The following FSHR variants were observed in gnomAD, a reference collection of about 807,000 sequenced individuals.
The protein encoded by FSHR is follicle-stimulating hormone receptor.
FSHR carries 46 observed loss-of-function variants against 52.1 expected under a neutral mutation model. The ratio of observed to expected loss-of-function variants is 0.88; its 90% CI spans 0.70 to 1.13. FSHR has a LOEUF of 1.13. Among genes scored for constraint, FSHR ranks in the 50% most tolerant of loss-of-function variants. FSHR has a pLI of 0.00. For synonymous variants in FSHR, 399 were observed against 309.6 expected (o/e 1.29, Z -3.03); for missense variants, 964 against 834.6 (o/e 1.16, Z -1.91).
chr2:49,061,632 A>T (rs970206728), intron 2 of FSHR, among the ~76,000 whole-genome samples: 1 of 144,432 alleles, frequency 6.9e-6, no homozygotes, highest in Non-Finnish European at 1.5e-5. Flanking sequence ...AAATACATAT[A>T]TCTATAATAT....
intron 2 of FSHR, among the ~76,000 whole-genome samples, chr2:49,055,560 A>C (rs1017797867): frequency 2.2e-5 from 3 of 137,850 alleles, no homozygotes; most frequent in Admixed American, 7.6e-5. Context: ...AAAAAAAAAA[A>C]AAACCCAAAT....
chr2:48,991,162 A>G (rs1213974208), intron 4 of FSHR, among the ~76,000 whole-genome samples: 1 of 152,120 alleles, frequency 6.6e-6, no homozygotes, highest in East Asian at 1.9e-4. Flanking sequence ...CCCTTACGAG[A>G]TGGTTATAAA....
At chr2:49,109,742 T>A (rs1229555959) in intron 1 of FSHR, among the ~76,000 whole-genome samples, 1 of 152,132 alleles carries the variant, frequency 6.6e-6, no homozygotes, top group Admixed American at 6.5e-5. Context: ...ATCTCAGAAA[T>A]TGCTTTTTCC....
intron 8 of FSHR, among the ~76,000 whole-genome samples, chr2:48,974,161 G>T (rs922874863): frequency 6.6e-6 from 1 of 152,168 alleles, no homozygotes; most frequent in Non-Finnish European, 1.5e-5. Flanking sequence ...TGCTTCTGCA[G>T]CAGGTAAGTA....
chr2:49,016,977 GC>G (rs543817756), intron 4 of FSHR, among the ~76,000 whole-genome samples: 168 of 152,312 alleles, frequency 1.1e-3, no homozygotes, highest in African/African-American at 3.8e-3. Flanking sequence ...AGGAAGCAGT[GC>G]TTTTGCTGAT....
chr2:49,055,486 T>G (rs1166188205), intron 2 of FSHR, among the ~76,000 whole-genome samples: 1 of 130,734 alleles, frequency 7.6e-6, no homozygotes, highest in Non-Finnish European at 1.6e-5. Context: ...AGCTGAAAAT[T>G]TCCCAAGTAT....
intron 1 of FSHR, among the ~76,000 whole-genome samples, chr2:49,126,875 C>G (rs547398186): frequency 6.6e-6 from 1 of 152,210 alleles, no homozygotes; most frequent in Non-Finnish European, 1.5e-5. Context: ...GCCTCCCTCA[C>G]AAGGAACCAT....
intron 8 of FSHR, among the ~76,000 whole-genome samples, chr2:48,979,339 G>A (rs989155351): frequency 1.3e-5 from 2 of 152,126 alleles, no homozygotes; most frequent in Admixed American, 6.5e-5. Context: ...TACTCAGAAG[G>A]CTGAGGCAGG....
intron 6 of FSHR, among the ~76,000 whole-genome samples, chr2:48,987,885 A>G (rs919600556): frequency 6.6e-6 from 1 of 150,776 alleles, no homozygotes; most frequent in Non-Finnish European, 1.5e-5. Context: ...TTCACTTCAA[A>G]TATCATGAGC....
chr2:49,140,880 G>A (rs957238032), intron 1 of FSHR, among the ~76,000 whole-genome samples: 3 of 152,258 alleles, frequency 2.0e-5, no homozygotes, highest in African/African-American at 7.2e-5. Flanking sequence ...AGCATTTACA[G>A]TGATTCCTGA....
chr2:49,006,583 T>C (rs1019339764), intron 4 of FSHR, among the ~76,000 whole-genome samples: 13 of 152,092 alleles, frequency 8.5e-5, no homozygotes, highest in African/African-American at 2.7e-4. Context: ...TCTCTCCAAA[T>C]CATATTTATC....
At chr2:49,127,900 T>TCTTC (rs1483408974) in intron 1 of FSHR, among the ~76,000 whole-genome samples, 8 of 113,502 alleles carry the variant, frequency 7.0e-5, no homozygotes, top group South Asian at 2.8e-4. Flanking sequence ...TTCTTCTTCT[T>TCTTC]TTTTTTTTTT....
chr2:49,098,867 A>G (rs1184404059), intron 1 of FSHR, among the ~76,000 whole-genome samples: 1 of 146,836 alleles, frequency 6.8e-6, no homozygotes, highest in Non-Finnish European at 1.5e-5. Flanking sequence ...TATATAATAT[A>G]TACTTATATT....
At chr2:49,044,318 C>T (rs1032400738) in intron 2 of FSHR, among the ~76,000 whole-genome samples, 4 of 152,140 alleles carry the variant, frequency 2.6e-5, no homozygotes, top group Admixed American at 2.0e-4. Flanking sequence ...ACTGTTTCTT[C>T]CAGGAACCCT....
chr2:49,112,927 C>T (rs879339976), intron 1 of FSHR, among the ~76,000 whole-genome samples: 2 of 151,998 alleles, frequency 1.3e-5, no homozygotes, highest in South Asian at 2.1e-4. Context: ...GTCCCAAATG[C>T]CCAGGTGGGA....
intron 1 of FSHR, among the ~76,000 whole-genome samples, chr2:49,101,624 G>T (rs1016339685): frequency 5.3e-5 from 8 of 152,146 alleles, no homozygotes; most frequent in Non-Finnish European, 1.2e-4. Context: ...TAGGGATTTA[G>T]CTCCTAGTTG....
At chr2:49,021,736 C>A (rs1667707852) in intron 2 of FSHR, among the ~76,000 whole-genome samples, 1 of 150,866 alleles carries the variant, frequency 6.6e-6, no homozygotes, top group East Asian at 2.0e-4. Flanking sequence ...AGAAGAGCTC[C>A]TCTTATTCCA....
chr2:49,083,746 G>A (rs1419013105), intron 1 of FSHR, among the ~76,000 whole-genome samples: 1 of 148,760 alleles, frequency 6.7e-6, no homozygotes, highest in African/African-American at 2.5e-5. Context: ...AAGAGACAAA[G>A]AAGGCCATTA....
intron 2 of FSHR, among the ~76,000 whole-genome samples, chr2:49,021,823 G>T (rs1667710732): frequency 8.3e-6 from 1 of 120,328 alleles, no homozygotes; most frequent in Non-Finnish European, 1.8e-5. Flanking sequence ...TAAGGGTGGG[G>T]TATGTGTTTC....
Sources: allele counts gnomAD v4.1 joint callset (sites outside exome capture counted in the v4.1 genomes callset), GRCh38; gene constraint gnomAD v4.1.1; transcripts MANE v1.5; gene names NCBI Gene and HGNC (gene_info 2026-07-23, HGNC 2026-07-21).